AGBL1: variants seen among roughly 807,000 people sequenced by gnomAD.
AGBL1 encodes the protein AGBL carboxypeptidase 1.
AGBL1 carries 130 observed loss-of-function variants against 118.9 expected under a neutral mutation model. That is an observed-to-expected ratio of 1.09 (90% CI 0.95 to 1.26). The LOEUF (loss-of-function observed/expected upper bound fraction) is 1.26, where lower values mean the gene tolerates loss of function less well. Among genes scored for constraint, AGBL1 ranks in the 50% most tolerant of loss-of-function variants. The pLI is 0.00. For synonymous variants in AGBL1, 555 were observed against 478.9 expected, an observed-to-expected ratio of 1.16 and a Z score of -2.08; for missense variants, 1,584 against 1,298.1, an observed-to-expected ratio of 1.22 and a Z score of -3.38.
chr15:86,104,147 G>T (rs762067132), intron 1 of AGBL1, among the ~76,000 whole-genome samples: 15 of 152,102 alleles, frequency 9.9e-5, no homozygotes, highest in Non-Finnish European at 2.1e-4. Flanking sequence ...ATGGGGCAGG[G>T]TGAACCCAAG....
At position 86,909,568 on chromosome 15, in the gene AGBL1, G is replaced by T. The variant is rs2080322857; in HGVS notation, c.*2274G>T. ...ATTGTATATCCATTCTTCATATTAA[G>T]ACATGTATGTTTATGTAACATATGC... On this transcript the variant is annotated 3_prime_UTR_variant, in exon 23 of 23. Coordinates refer to ENST00000614907, the MANE Select transcript of AGBL1 (RefSeq NM_001386094.1). 1 of 152,208 alleles carries T rather than the reference G, an allele frequency of 6.6e-6. No individual in the cohort carries two copies. The highest frequency in any genetic ancestry group is 1.9e-4 in the East Asian group (1 of 5,178). The allele number at this position is 152,208 out of a possible 1,614,324, so 9.4% of individuals were successfully genotyped here.
chr15:86,690,883 G>A (rs1324316022), intron 22 of AGBL1, among the ~76,000 whole-genome samples: 1 of 152,090 alleles, frequency 6.6e-6, no homozygotes, highest in Non-Finnish European at 1.5e-5. Flanking sequence ...AACTGCAGGT[G>A]ACAAGATAAG....
chr15:86,627,483 C>G (rs2084905431), intron 21 of AGBL1, among the ~76,000 whole-genome samples: 1 of 152,100 alleles, frequency 6.6e-6, no homozygotes, highest in Non-Finnish European at 1.5e-5. Context: ...TGATTAAACA[C>G]AGGTTCTGGA....
chr15:87,022,187 C>G (rs1024466522), intron 24 of AGBL1, among the ~76,000 whole-genome samples: 5 of 152,084 alleles, frequency 3.3e-5, no homozygotes, highest in African/African-American at 9.7e-5. Context: ...CCTACACCTT[C>G]CCTCTGACAG....
At chr15:86,399,289 C>T (rs751219334) in intron 18 of AGBL1, among the ~76,000 whole-genome samples, 17 of 152,150 alleles carry the variant, frequency 1.1e-4, no homozygotes, top group Non-Finnish European at 2.5e-4. Flanking sequence ...ATGGCTCCTC[C>T]CTGCTTGAGC....
intron 5 of AGBL1, among the ~76,000 whole-genome samples, chr15:86,202,076 T>C (rs2077916413): frequency 6.6e-6 from 1 of 152,130 alleles, no homozygotes; most frequent in Non-Finnish European, 1.5e-5. Flanking sequence ...GTGGATCACT[T>C]GAGCTTAGGA....
chr15:86,691,561 C>A (rs946208633), intron 22 of AGBL1, among the ~76,000 whole-genome samples: 1 of 152,018 alleles, frequency 6.6e-6, no homozygotes, highest in African/African-American at 2.4e-5. Flanking sequence ...ATGTTTGATG[C>A]ATGAGAGGGA....
At chr15:86,146,592 A>G (rs1428331140) in intron 3 of AGBL1, among the ~76,000 whole-genome samples, 1 of 152,196 alleles carries the variant, frequency 6.6e-6, no homozygotes, top group Admixed American at 6.5e-5. Context: ...TACAGGTTTT[A>G]TAGGAGAAAG....
intron 13 of AGBL1, 82 bp from the exon 14 acceptor site, chr15:86,269,837 C>T (rs2079129667): frequency 1.3e-6 from 2 of 1,485,310 alleles, no homozygotes; most frequent in East Asian, 4.7e-5. Context: ...AACCCAGAAA[C>T]TGAAACGTGT....
intron 21 of AGBL1, among the ~76,000 whole-genome samples, chr15:86,652,923 A>G (rs529174046): frequency 6.6e-6 from 1 of 152,178 alleles, no homozygotes; most frequent in Non-Finnish European, 1.5e-5. Context: ...AATGAGGAGA[A>G]GTCAAGGATG....
At chr15:86,418,601 A>G (rs1433131702) in intron 18 of AGBL1, among the ~76,000 whole-genome samples, 1 of 152,146 alleles carries the variant, frequency 6.6e-6, no homozygotes, top group Non-Finnish European at 1.5e-5. Context: ...TTTTTCAAAA[A>G]TGGAGACATA....
At chr15:86,108,342 C>T (rs1419737810) in intron 1 of AGBL1, among the ~76,000 whole-genome samples, 1 of 152,158 alleles carries the variant, frequency 6.6e-6, no homozygotes, top group African/African-American at 2.4e-5. Flanking sequence ...GGGAATTTCT[C>T]TTCAAACTAT....
chr15:86,676,368 G>A (rs2085846835), intron 22 of AGBL1, among the ~76,000 whole-genome samples: 2 of 152,152 alleles, frequency 1.3e-5, no homozygotes, highest in Non-Finnish European at 2.9e-5. Context: ...CTGCATGGTT[G>A]AGAGGGAGAT....
chr15:86,667,234 G>T (rs113654616), intron 21 of AGBL1, among the ~76,000 whole-genome samples: 1 of 97,478 alleles, frequency 1.0e-5, no homozygotes, highest in African/African-American at 3.3e-5. Context: ...ATGTATGTAT[G>T]TATGTATGTA....
chr15:86,990,424 G>T (rs1253816961), intron 24 of AGBL1, among the ~76,000 whole-genome samples: 1 of 152,086 alleles, frequency 6.6e-6, no homozygotes, highest in African/African-American at 2.4e-5. Flanking sequence ...TGAGACAGGA[G>T]AATTGCTTGA....
At chr15:86,628,194 G>C (rs1172862516) in intron 21 of AGBL1, among the ~76,000 whole-genome samples, 1 of 152,146 alleles carries the variant, frequency 6.6e-6, no homozygotes, top group Non-Finnish European at 1.5e-5. Context: ...TTTTCGATTT[G>C]TAATAATAGG....
At chr15:86,463,258 A>G (rs1245100452) in intron 18 of AGBL1, among the ~76,000 whole-genome samples, 1 of 148,422 alleles carries the variant, frequency 6.7e-6, no homozygotes, top group Non-Finnish European at 1.5e-5. Flanking sequence ...GTCTGTTCAT[A>G]TCCTTTGCCC....
intron 4 of AGBL1, among the ~76,000 whole-genome samples, chr15:86,154,903 C>G (rs933868186): frequency 2.0e-5 from 3 of 152,076 alleles, no homozygotes; most frequent in African/African-American, 7.2e-5. Flanking sequence ...TTTATTTAGT[C>G]CTTGTCACAT....
intron 22 of AGBL1, among the ~76,000 whole-genome samples, chr15:86,859,166 G>A (rs1291124742): frequency 6.6e-6 from 1 of 152,100 alleles, no homozygotes; most frequent in Non-Finnish European, 1.5e-5. Flanking sequence ...TTTCTCAGAG[G>A]AACTAATATA....
Sources: gnomAD v4.1 joint callset for allele counts (sites outside exome capture counted in the v4.1 genomes callset) on GRCh38, gnomAD v4.1.1 for gene constraint, MANE v1.5 for transcripts, NCBI Gene and HGNC (gene_info 2026-07-23, HGNC 2026-07-21) for gene names.